The following PRICKLE1 variants were observed in gnomAD, a reference collection of about 807,000 sequenced individuals.
PRICKLE1 encodes prickle-like protein 1.
In PRICKLE1, 14 loss-of-function variants were observed where a neutral mutation model predicts 70.2. The observed-to-expected ratio is 0.20, with a 90% CI of 0.13 to 0.31. PRICKLE1 has a LOEUF of 0.31. Among genes scored for constraint, PRICKLE1 ranks in the 10% least tolerant of loss-of-function variants. The pLI is 1.00. For missense variants in PRICKLE1, 821 were observed against 1,026.2 expected (o/e 0.80, Z 2.73); for synonymous variants, 357 against 379.9 (o/e 0.94, Z 0.70).
chr12:42,519,538 G>A (rs1471209953), intron 1 of PRICKLE1, among the ~76,000 whole-genome samples: 2 of 152,170 alleles, frequency 1.3e-5, no homozygotes, highest in East Asian at 3.9e-4. Context: ...ACCAGATGCA[G>A]GAGATAATCC....
At chr12:42,565,765 G>A (rs1940611294) in intron 1 of PRICKLE1, among the ~76,000 whole-genome samples, 1 of 152,188 alleles carries the variant, frequency 6.6e-6, no homozygotes. Flanking sequence ...ACCTCAGTCA[G>A]GATCCCAGAG....
intron 1 of PRICKLE1, among the ~76,000 whole-genome samples, chr12:42,553,524 G>T (rs11181553): frequency 0.24 from 34,147 of 140,516 alleles, 6,162 homozygotes; most frequent in African/African-American, 0.52. Context: ...CTAGAATCAG[G>T]GGGTGGGTGG....
intron 1 of PRICKLE1, among the ~76,000 whole-genome samples, chr12:42,587,633 C>T (rs1566138047): frequency 6.6e-6 from 1 of 152,204 alleles, no homozygotes; most frequent in Non-Finnish European, 1.5e-5. Flanking sequence ...CCCTCTGGTA[C>T]CAGCAGGTGC....
At chr12:42,576,850 C>T (rs1029797377) in intron 1 of PRICKLE1, among the ~76,000 whole-genome samples, 3 of 152,088 alleles carry the variant, frequency 2.0e-5, no homozygotes, top group African/African-American at 7.2e-5. Flanking sequence ...AATTACAATG[C>T]TACTAAAAGG....
At chr12:42,541,569 C>A (rs1940116257) in intron 1 of PRICKLE1, among the ~76,000 whole-genome samples, 1 of 152,118 alleles carries the variant, frequency 6.6e-6, no homozygotes, top group African/African-American at 2.4e-5. Flanking sequence ...AACTCCTGGG[C>A]TCAAATGATT....
intron 1 of PRICKLE1, among the ~76,000 whole-genome samples, chr12:42,575,022 A>C (rs1364273853): frequency 6.6e-6 from 1 of 151,050 alleles, no homozygotes; most frequent in Non-Finnish European, 1.5e-5. Context: ...TTTTTTTTTC[A>C]ACCATTAGCT....
chr12:42,575,849 G>A (rs1252186843), intron 1 of PRICKLE1, among the ~76,000 whole-genome samples: 1 of 152,098 alleles, frequency 6.6e-6, no homozygotes, highest in East Asian at 1.9e-4. Context: ...TAGTCATTAA[G>A]ACCTAGCTCA....
intron 1 of PRICKLE1, among the ~76,000 whole-genome samples, chr12:42,540,560 C>CATAT (rs1483960423): frequency 6.6e-6 from 1 of 151,220 alleles, no homozygotes; most frequent in African/African-American, 2.4e-5. Context: ...TCATGAAATA[C>CATAT]ATATATATAT....
At chr12:42,545,815 A>G (rs1005478518) in intron 1 of PRICKLE1, among the ~76,000 whole-genome samples, 3 of 151,508 alleles carry the variant, frequency 2.0e-5, no homozygotes, top group African/African-American at 7.3e-5. Context: ...GCGCCATTGC[A>G]CTCCAGCCTG....
intron 1 of PRICKLE1, among the ~76,000 whole-genome samples, chr12:42,533,901 C>T (rs943616533): frequency 6.6e-6 from 1 of 152,154 alleles, no homozygotes; most frequent in African/African-American, 2.4e-5. Flanking sequence ...AGCCCAATTT[C>T]CTTTTCAACA....
intron 1 of PRICKLE1, among the ~76,000 whole-genome samples, chr12:42,478,130 T>A (rs1184423031): frequency 6.6e-6 from 1 of 152,038 alleles, no homozygotes; most frequent in African/African-American, 2.4e-5. Flanking sequence ...TTCTCTCTCA[T>A]ATGTATACAC....
intron 1 of PRICKLE1, among the ~76,000 whole-genome samples, chr12:42,518,461 C>A (rs940839709): frequency 6.6e-6 from 1 of 152,110 alleles, no homozygotes; most frequent in Non-Finnish European, 1.5e-5. Flanking sequence ...TAAGCACAAA[C>A]AATAAATTCA....
chr12:42,466,105 A>G, intron 6 of PRICKLE1, 89 bp downstream of exon 6: 1 of 1,409,240 alleles, frequency 7.1e-7, no homozygotes, highest in Non-Finnish European at 1.0e-6. Context: ...TCTCAACTTT[A>G]AAAAACAGAA....
intron 1 of PRICKLE1, among the ~76,000 whole-genome samples, chr12:42,513,579 T>A (rs991063174): frequency 6.7e-5 from 10 of 149,734 alleles, no homozygotes; most frequent in Middle Eastern, 3.6e-3. Flanking sequence ...AAAAAAAAAA[T>A]GAATAAGAGC....
intron 1 of PRICKLE1, among the ~76,000 whole-genome samples, chr12:42,499,275 T>C (rs2708041): frequency 0.17 from 26,447 of 152,134 alleles, 3,046 homozygotes; most frequent in African/African-American, 0.31. Flanking sequence ...AAGGAGCCTA[T>C]ATTCAAACCT....
At chr12:42,494,955 C>T (rs559524222) in intron 1 of PRICKLE1, among the ~76,000 whole-genome samples, 62 of 148,344 alleles carry the variant, frequency 4.2e-4, no homozygotes, top group African/African-American at 1.3e-3. Flanking sequence ...AGTGCAGTAG[C>T]GCCACCATAA....
chr12:42,468,595 T>C, intron 5 of PRICKLE1, 31 bp downstream of exon 5: 1 of 1,600,712 alleles, frequency 6.2e-7, no homozygotes, highest in Non-Finnish European at 8.6e-7. Context: ...AGCTTATTTT[T>C]CCCAGTGTGA....
intron 1 of PRICKLE1, among the ~76,000 whole-genome samples, chr12:42,503,827 C>T (rs1052226663): frequency 6.6e-6 from 1 of 152,168 alleles, no homozygotes; most frequent in Non-Finnish European, 1.5e-5. Context: ...TGCTAGGTCA[C>T]ACCTGAGGTT....
At chr12:42,480,459 G>A (rs530767923) in intron 1 of PRICKLE1, among the ~76,000 whole-genome samples, 2 of 152,310 alleles carry the variant, frequency 1.3e-5, no homozygotes, top group African/African-American at 4.8e-5. Context: ...ATGGACAAGG[G>A]CTTAAGGACT....
Sources: gnomAD v4.1 joint callset for allele counts (sites outside exome capture counted in the v4.1 genomes callset) on GRCh38, gnomAD v4.1.1 for gene constraint, MANE v1.5 for transcripts, NCBI Gene and HGNC (gene_info 2026-07-23, HGNC 2026-07-21) for gene names.